Variants in DPY19L1 observed in about 807,000 individuals in gnomAD.
DPY19L1 encodes dpy-19 like C-mannosyltransferase 1.
DPY19L1 carries 35 observed loss-of-function variants against 96.9 expected under a neutral mutation model. The ratio of observed to expected loss-of-function variants is 0.36; its 90% CI spans 0.28 to 0.48. DPY19L1 has a LOEUF of 0.48. DPY19L1 is among the 20% of genes least tolerant of loss of function. The probability of loss-of-function intolerance (pLI) is 0.99; values close to 1 mark genes in which losing one functional copy is unlikely to be tolerated. For missense variants in DPY19L1, 521 were observed against 777.9 expected (o/e 0.67, Z 3.93); for synonymous variants, 205 against 252.6 (o/e 0.81, Z 1.79).
intron 17 of DPY19L1, among the ~76,000 whole-genome samples, chr7:34,942,335 C>T (rs1784038901): frequency 6.6e-6 from 1 of 152,178 alleles, no homozygotes; most frequent in South Asian, 2.1e-4. Flanking sequence ...GATTTCCAAT[C>T]ATGCAATAGA....
intron 1 of DPY19L1, among the ~76,000 whole-genome samples, chr7:35,019,922 G>T (rs10951433): frequency 6.6e-6 from 1 of 151,944 alleles, no homozygotes; most frequent in Non-Finnish European, 1.5e-5. Context: ...TACTCGGCTG[G>T]AGGAAGTAGG....
intron 6 of DPY19L1, among the ~76,000 whole-genome samples, chr7:35,005,189 A>G (rs1443941250): frequency 6.6e-6 from 1 of 152,028 alleles, no homozygotes; most frequent in Admixed American, 6.6e-5. Context: ...GGAGAGTAGT[A>G]GGAACTCTGA....
intron 9 of DPY19L1, 36 bp downstream of exon 9, chr7:34,969,397 C>G: frequency 8.2e-7 from 1 of 1,222,034 alleles, no homozygotes; most frequent in Non-Finnish European, 1.1e-6. Context: ...GTCAAACATG[C>G]TAAGCTTAAA....
chr7:34,989,352 T>C (rs1279438426), intron 7 of DPY19L1, among the ~76,000 whole-genome samples: 2 of 152,154 alleles, frequency 1.3e-5, no homozygotes, highest in Non-Finnish European at 2.9e-5. Flanking sequence ...TGGTGGCTTA[T>C]ACCTGTAATC....
upstream of DPY19L1, chr7:35,037,775 G>A (rs1786480774): frequency 1.7e-6 from 2 of 1,168,316 alleles, no homozygotes; most frequent in Non-Finnish European, 2.1e-6. Flanking sequence ...CGGACTTCCG[G>A]CGCAGGCGGG....
intron 11 of DPY19L1, among the ~76,000 whole-genome samples, chr7:34,956,087 C>T (rs1784372570): frequency 1.3e-5 from 2 of 152,074 alleles, no homozygotes; most frequent in South Asian, 2.1e-4. Flanking sequence ...ATGCTTAATT[C>T]GTACCTAAGG....
At chr7:34,941,714 T>C in intron 18 of DPY19L1, 51 bp downstream of exon 18, 1 of 1,582,592 alleles carries the variant, frequency 6.3e-7, no homozygotes, top group Non-Finnish European at 8.5e-7. Flanking sequence ...GGCCACTCAA[T>C]AATAAAGGCT....
At position 35,027,853 on chromosome 7, in the gene DPY19L1, TA is replaced by T. The variant is rs1464683288; in HGVS notation, c.298+9243del. Reference sequence around the variant, plus strand: ...AACTCCGTCTCAAAAAATAAATAAATAAAAATAAAATTCAGTCATGATCTGA... The same window carrying T: ...AACTCCGTCTCAAAAAATAAATAAATAAAATAAAATTCAGTCATGATCTGA... On this transcript the variant is annotated intron_variant, in intron 1 of 21. Transcript: ENST00000638088. 2.0e-5 allele frequency among the ~76,000 whole-genome samples: 3 copies of T among 151,670 alleles called. No homozygotes were observed. The East Asian group carries it at 5.8e-4, about 29-fold the overall frequency.
intron 17 of DPY19L1, 105 bp downstream of exon 17, chr7:34,942,510 G>T: frequency 1.1e-6 from 1 of 872,812 alleles, no homozygotes; most frequent in South Asian, 1.5e-5. Flanking sequence ...TTTTCAAGAT[G>T]ATTGCTGACA....
intron 13 of DPY19L1, among the ~76,000 whole-genome samples, chr7:34,951,102 A>C (rs903589783): frequency 3.3e-5 from 5 of 152,148 alleles, no homozygotes; most frequent in African/African-American, 9.6e-5. Context: ...TAAAATTAAC[A>C]AAAAAGCAAG....
At chr7:34,936,688 T>C (rs571490099) in intron 21 of DPY19L1, among the ~76,000 whole-genome samples, 21 of 152,244 alleles carry the variant, frequency 1.4e-4, no homozygotes, top group Non-Finnish European at 2.5e-4. Context: ...TAAAACATTT[T>C]CTGAATTATT....
intron 1 of DPY19L1, among the ~76,000 whole-genome samples, chr7:35,028,365 A>G (rs1475373384): frequency 6.6e-6 from 1 of 152,268 alleles, no homozygotes; most frequent in Admixed American, 6.5e-5. Flanking sequence ...TGGAAAGTAT[A>G]TATCACCATC....
upstream of DPY19L1, chr7:35,037,912 G>C: frequency 8.1e-7 from 1 of 1,238,120 alleles, no homozygotes; most frequent in Non-Finnish European, 1.0e-6. Flanking sequence ...GAGTGATGGG[G>C]CCGAAGGAAG....
At position 35,037,246 on chromosome 7, in the gene DPY19L1, T is replaced by C. The variant is rs2128685857; in HGVS notation, c.149A>G (p.Lys50Arg). Residue 50 changes from lysine to arginine, a missense_variant, in exon 1 of 22, where the codon AAG becomes AGG. By Grantham distance (26) the Lys-to-Arg change is conservative. Coordinates refer to ENST00000638088, the MANE Select transcript of DPY19L1 (RefSeq NM_001366673.1). Reference sequence around the variant, plus strand: ...GGGCCCCTTCCTGCCCGCGGCGCCCTTGCGCCCCGGGGACAGGGGCGCGCG... The same window carrying C: ...GGGCCCCTTCCTGCCCGCGGCGCCCCTGCGCCCCGGGGACAGGGGCGCGCG... Reference protein sequence around the residue: ...PERAPLSPGRKGAAGRKGPRA... With the variant: ...PERAPLSPGRRGAAGRKGPRA... The C allele has an allele frequency of 3.8e-6, 1 of 264,240 alleles. No homozygotes were observed. Among genetic ancestry groups the C allele is most frequent in the South Asian group, 1.6e-4 (1 of 6,120 alleles). The allele number at this position is 264,240 out of a possible 1,614,324, so 16.4% of individuals were successfully genotyped here.
intron 7 of DPY19L1, among the ~76,000 whole-genome samples, chr7:34,984,648 G>A (rs1488375781): frequency 6.6e-6 from 1 of 152,134 alleles, no homozygotes; most frequent in Non-Finnish European, 1.5e-5. Flanking sequence ...CAAATCCATA[G>A]ACACACCAGT....
chr7:35,037,962 C>A, upstream of DPY19L1: 1 of 1,177,260 alleles, frequency 8.5e-7, no homozygotes, highest in Non-Finnish European at 1.1e-6. Context: ...AGTTTCGGAG[C>A]CTGTTAAGGC....
At chr7:34,982,699 C>T (rs1203166077) in intron 7 of DPY19L1, among the ~76,000 whole-genome samples, 1 of 152,160 alleles carries the variant, frequency 6.6e-6, no homozygotes, top group Non-Finnish European at 1.5e-5. Flanking sequence ...AACTTCTAAC[C>T]ATATAAATAA....
At chr7:34,984,162 G>A (rs1323273830) in intron 7 of DPY19L1, among the ~76,000 whole-genome samples, 3 of 152,094 alleles carry the variant, frequency 2.0e-5, no homozygotes, top group Non-Finnish European at 4.4e-5. Flanking sequence ...GGGACTTATT[G>A]GCAGATCTTT....
rs1783753180 is a variant in DPY19L1 at position 34,931,566 on chromosome 7, G to A, written c.*7C>T. On this transcript the variant is annotated 3_prime_UTR_variant, in exon 22 of 22. Coordinates refer to ENST00000638088, the MANE Select transcript of DPY19L1 (RefSeq NM_001366673.1). The stretch of plus-strand genomic sequence containing the variant: ...TAGTTCTCCGTAGGCAGCAGGTCAT[G>A]TAGCAGTCATTCTTTTACAACTTCT... The A allele has an allele frequency of 6.5e-7, 1 of 1,532,400 alleles. No individual in the cohort carries two copies. Among genetic ancestry groups the A allele is most frequent in the South Asian group, 1.3e-5 (1 of 75,876 alleles). The allele number at this position is 1,532,400 out of a possible 1,614,324, so 94.9% of individuals were successfully genotyped here.
Sources: gnomAD v4.1 joint callset for allele counts (sites outside exome capture counted in the v4.1 genomes callset) on GRCh38, gnomAD v4.1.1 for gene constraint, MANE v1.5 for transcripts, NCBI Gene and HGNC (gene_info 2026-07-23, HGNC 2026-07-21) for gene names.